The following GREB1L variants were observed in gnomAD, a reference collection of about 807,000 sequenced individuals.
The protein encoded by GREB1L is GREB1 like retinoic acid receptor coactivator.
A neutral mutation model predicts 200.8 loss-of-function variants in GREB1L; 17 were observed. The observed-to-expected ratio is 0.08, with a 90% CI of 0.06 to 0.13. GREB1L has a LOEUF of 0.13. Ranked by LOEUF, GREB1L falls within the 10% of genes least tolerant of loss-of-function variation. GREB1L has a pLI of 1.00. For missense variants in GREB1L, 1,657 were observed against 2,367.7 expected, an observed-to-expected ratio of 0.70 and a Z score of 6.23; for synonymous variants, 789 against 893.0, an observed-to-expected ratio of 0.88 and a Z score of 2.08.
At chr18:21,281,322 A>AATT (rs2038265814) in intron 1 of GREB1L, among the ~76,000 whole-genome samples, 1 of 152,162 alleles carries the variant, frequency 6.6e-6, no homozygotes, top group African/African-American at 2.4e-5. Context: ...CTGCAAGGTC[A>AATT]ATTATTGCCT....
chr18:21,275,872 C>G (rs1385187980), intron 1 of GREB1L, among the ~76,000 whole-genome samples: 1 of 152,112 alleles, frequency 6.6e-6, no homozygotes, highest in Admixed American at 6.6e-5. Flanking sequence ...GCTACAGTGA[C>G]GGAGTTGAAT....
chr18:21,378,442 CA>C (rs2040165578), intron 2 of GREB1L, among the ~76,000 whole-genome samples: 1 of 152,062 alleles, frequency 6.6e-6, no homozygotes, highest in Admixed American at 6.6e-5. Context: ...GGCTGGAGTG[CA>C]GCAGCGCCAT....
intron 29 of GREB1L, among the ~76,000 whole-genome samples, chr18:21,515,900 GAC>G (rs1598959332): frequency 6.6e-6 from 1 of 152,108 alleles, no homozygotes; most frequent in Non-Finnish European, 1.5e-5. Context: ...AAGAACTCAA[GAC>G]ACAAAAACTA....
chr18:21,363,299 C>CACA (rs1225413701), intron 1 of GREB1L, among the ~76,000 whole-genome samples: 35 of 105,576 alleles, frequency 3.3e-4, no homozygotes, highest in African/African-American at 1.1e-3. Flanking sequence ...CCCCCCCCCC[C>CACA]CACACACACA....
intron 1 of GREB1L, among the ~76,000 whole-genome samples, chr18:21,275,994 C>T (rs1195142363): frequency 6.6e-6 from 1 of 152,124 alleles, no homozygotes; most frequent in Non-Finnish European, 1.5e-5. Flanking sequence ...TGTAGAGTCT[C>T]TTCTCTTTGG....
chr18:21,380,793 A>C (rs1786419326), intron 2 of GREB1L: 1 of 152,146 alleles, frequency 6.6e-6, no homozygotes, highest in African/African-American at 2.4e-5. Context: ...TAGTATTAGA[A>C]CCCATTTATA....
chr18:21,317,607 A>G (rs1399150162), intron 1 of GREB1L: 1 of 152,110 alleles, frequency 6.6e-6, no homozygotes, highest in African/African-American at 2.4e-5. Flanking sequence ...TTTCTCAATC[A>G]ATTAATCAAT....
intron 15 of GREB1L, chr18:21,468,968 TTTA>T (rs2035375464): frequency 3.1e-6 from 1 of 319,402 alleles, no homozygotes; most frequent in Non-Finnish European, 6.3e-6. Flanking sequence ...AGGTTGATGT[TTTA>T]TTATTGGTGA....
chr18:21,463,134 CTTTTTTTT>C (rs11355874), intron 15 of GREB1L, among the ~76,000 whole-genome samples: 2 of 55,682 alleles, frequency 3.6e-5, no homozygotes, highest in African/African-American at 7.9e-5. Context: ...CTTAATGGTT[CTTTTTTTT>C]TTTTTTTTTT....
chr18:21,348,678 G>T lies in GREB1L; in HGVS notation c.-119-17349G>T, dbSNP rs190959142. 6.8e-3 allele frequency among the ~76,000 whole-genome samples: 1,029 copies of T among 152,244 alleles called. 4 individuals carry two copies. The highest frequency in any genetic ancestry group is 0.027 in the Middle Eastern group (8 of 294). ...TAATCCCAGCTACCCGGGAGGCTGA[G>T]GCAGGAGAATCGCTTGAACCCGGGA... On this transcript the variant is annotated intron_variant, in intron 1 of 32. Coordinates refer to ENST00000424526, the MANE Select transcript of GREB1L (RefSeq NM_001142966.3).
chr18:21,401,937 C>G (rs2041333880), intron 6 of GREB1L: 1 of 137,842 alleles, frequency 7.3e-6, no homozygotes, highest in Non-Finnish European at 1.5e-5. Flanking sequence ...TTCTATTGAT[C>G]AGTTTCTTAG....
chr18:21,249,792 G>A (rs2037670895), intron 1 of GREB1L, among the ~76,000 whole-genome samples: 3 of 151,874 alleles, frequency 2.0e-5, no homozygotes, highest in African/African-American at 7.3e-5. Flanking sequence ...CTCCGGAGGC[G>A]GAAGTTGCGG....
intron 1 of GREB1L, among the ~76,000 whole-genome samples, chr18:21,329,975 G>C (rs911459788): frequency 3.7e-4 from 55 of 150,448 alleles, no homozygotes; most frequent in Non-Finnish European, 6.5e-4. Context: ...TTTTTGGGGG[G>C]GGGGGGTCTT....
chr18:21,253,886 G>C (rs1012557023), intron 1 of GREB1L, among the ~76,000 whole-genome samples: 1 of 142,266 alleles, frequency 7.0e-6, no homozygotes, highest in Non-Finnish European at 1.5e-5. Flanking sequence ...ACCTAGGCTG[G>C]AGTGCAGTGG....
intron 1 of GREB1L, among the ~76,000 whole-genome samples, chr18:21,268,554 CACACACATATATAT>C (rs1450501083): frequency 1.3e-4 from 13 of 96,850 alleles, no homozygotes; most frequent in African/African-American, 7.5e-4. Context: ...CACACACACA[CACACACATATATAT>C]ATATATATAT....
intron 1 of GREB1L, among the ~76,000 whole-genome samples, chr18:21,320,349 A>G (rs2144905437): frequency 6.6e-6 from 1 of 152,338 alleles, no homozygotes. Context: ...TGTATGTATA[A>G]AATATTGTAA....
intron 7 of GREB1L, among the ~76,000 whole-genome samples, chr18:21,429,196 C>T (rs1427291504): frequency 1.2e-5 from 1 of 80,280 alleles, no homozygotes; most frequent in Non-Finnish European, 2.6e-5. Flanking sequence ...CCCTTCCCCT[C>T]CCCTCCCCTC....
intron 1 of GREB1L, among the ~76,000 whole-genome samples, chr18:21,267,922 A>T (rs1355331452): frequency 1.3e-5 from 2 of 152,038 alleles, no homozygotes; most frequent in Non-Finnish European, 2.9e-5. Context: ...TCTCCATACA[A>T]ATAAGAAACT....
At chr18:21,367,228 G>A (rs190020372) in intron 2 of GREB1L, among the ~76,000 whole-genome samples, 42 of 152,252 alleles carry the variant, frequency 2.8e-4, no homozygotes, top group African/African-American at 9.6e-4. Flanking sequence ...GAGTCTTATG[G>A]CAAAAACTCC....
Sources: allele counts gnomAD v4.1 joint callset (sites outside exome capture counted in the v4.1 genomes callset), GRCh38; gene constraint gnomAD v4.1.1; transcripts MANE v1.5; gene names NCBI Gene and HGNC (gene_info 2026-07-23, HGNC 2026-07-21).